GAK: variants seen among roughly 807,000 people sequenced by gnomAD.
GAK encodes cyclin-G-associated kinase.
GAK carries 79 observed loss-of-function variants against 143.9 expected under a neutral mutation model. The ratio of observed to expected loss-of-function variants is 0.55; its 90% CI spans 0.46 to 0.66. The LOEUF (loss-of-function observed/expected upper bound fraction) is 0.66. Ranked by LOEUF, GAK falls within the 30% of genes least tolerant of loss-of-function variation. The probability of loss-of-function intolerance (pLI) is 0.00; values close to 1 mark genes in which losing one functional copy is unlikely to be tolerated. For missense variants in GAK, 1,693 were observed against 1,779.7 expected (o/e 0.95, Z 0.88); for synonymous variants, 881 against 765.5 (o/e 1.15, Z -2.49).
chr4:850,638 G>GGCCCCCCCCCCC, intron 26 of GAK: 1 of 155,518 alleles, frequency 6.4e-6, no homozygotes, highest in Non-Finnish European at 1.4e-5. Flanking sequence ...CTCCTGTAAC[G>GGCCCCCCCCCCC]CCCGCCCACC....
intron 1 of GAK, among the ~76,000 whole-genome samples, chr4:928,409 C>T (rs561306470): frequency 5.1e-4 from 77 of 152,300 alleles, no homozygotes; most frequent in Non-Finnish European, 7.4e-4. Context: ...TCATGCCTGT[C>T]GTCCCAGCAC....
Position 868,645 on chromosome 4 carries a change from C to G in GAK, c.2289G>C (p.Gln763His). The change falls in exon 20 of 28, where the codon CAG becomes CAC. Residue 763 changes from glutamine to histidine, a missense_variant. By Grantham distance (24) the Gln-to-His change is conservative. Transcript: ENST00000314167. ...ELPRQPGSTA[Q>H]YDAGAGSPEA... ...CCGGGGACCCTGCCCCAGCATCATA[C>G]TGAGCCGTGGAGCCAGGCTGCCGGG... 1.3e-6 allele frequency: 2 copies of G among 1,562,708 alleles called. No individual in the cohort carries two copies. Among genetic ancestry groups the G allele is most frequent in the Non-Finnish European group, 1.7e-6 (2 of 1,154,016 alleles).
chr4:931,502 A>T (rs1207838977), intron 1 of GAK, among the ~76,000 whole-genome samples: 3 of 151,032 alleles, frequency 2.0e-5, no homozygotes, highest in African/African-American at 2.4e-5. Context: ...ACTGTAGAAG[A>T]ACCAGCCCTA....
chr4:917,093 T>C (rs1367947487), intron 1 of GAK, among the ~76,000 whole-genome samples: 1 of 152,056 alleles, frequency 6.6e-6, no homozygotes, highest in Non-Finnish European at 1.5e-5. Flanking sequence ...TACATACACA[T>C]ACATACAGTC....
Position 859,456 on chromosome 4 carries a change from C to T in GAK, c.3283+150G>A, listed in dbSNP as rs772936319. On this transcript the variant is annotated intron_variant, in intron 24 of 27. Coordinates refer to ENST00000314167, the MANE Select transcript of GAK (RefSeq NM_005255.4). ...GTCGCCTGGAACAGGTGCAGACACGCTGTCCCCTTGGGCTCACTGTGCTCT... is the reference window on the plus strand; with the variant it reads ...GTCGCCTGGAACAGGTGCAGACACGTTGTCCCCTTGGGCTCACTGTGCTCT... The T allele has an allele frequency of 2.5e-6, 4 of 1,596,626 alleles. No homozygotes were observed. In the Admixed American group the frequency reaches 5.1e-5, roughly 20 times the overall value.
intron 6 of GAK, among the ~76,000 whole-genome samples, chr4:897,526 C>G (rs1409051979): frequency 1.3e-5 from 2 of 152,140 alleles, no homozygotes; most frequent in Non-Finnish European, 2.9e-5. Context: ...CTGCCCATCT[C>G]TGGGAAAAGA....
intron 24 of GAK, among the ~76,000 whole-genome samples, chr4:858,235 G>C (rs145139565): frequency 1.3e-5 from 2 of 152,190 alleles, no homozygotes; most frequent in African/African-American, 2.4e-5. Context: ...GTCATGTGTC[G>C]GGACAGCAGT....
chr4:914,257 A>G (rs1722598060), intron 1 of GAK, among the ~76,000 whole-genome samples: 1 of 43,328 alleles, frequency 2.3e-5, no homozygotes, highest in Non-Finnish European at 4.0e-5. Context: ...CCCCACACAC[A>G]CAGCCCCAGC....
rs1306844075 is a variant in GAK at position 913,612 on chromosome 4, A to G, written c.202T>C (p.Leu68=). The G allele has an allele frequency of 1.2e-6, 2 of 1,612,376 alleles. No individual in the cohort carries two copies. The highest frequency in any genetic ancestry group is 1.7e-6 in the Non-Finnish European group (2 of 1,178,510). ...QDVGSGREYA[L]KRLLSNEEEK... is the part of the protein sequence containing the mutation. ...GGCGTTAAATGGTTCATTACCTTTAATGCATACTCTCTGCCACTCCCCACA... is the reference window on the plus strand; with the variant it reads ...GGCGTTAAATGGTTCATTACCTTTAGTGCATACTCTCTGCCACTCCCCACA... The change falls in exon 2 of 28, where the codon TTA becomes CTA. Residue 68 remains leucine, a synonymous_variant. Transcript: ENST00000314167.
At chr4:928,214 T>C (rs749864853) in intron 1 of GAK, among the ~76,000 whole-genome samples, 3 of 152,096 alleles carry the variant, frequency 2.0e-5, no homozygotes, top group Admixed American at 1.3e-4. Context: ...CGCGCCACCA[T>C]GCCCAGCTAG....
intron 12 of GAK, 75 bp downstream of exon 12, chr4:883,962 G>T: frequency 7.2e-7 from 1 of 1,386,146 alleles, no homozygotes; most frequent in Non-Finnish European, 1.0e-6. Context: ...CCTGTGCCCT[G>T]ACACACAACA....
At chr4:877,027 C>T (rs1260551953) in intron 17 of GAK, 63 bp downstream of exon 17, 5 of 1,173,004 alleles carry the variant, frequency 4.3e-6, no homozygotes, top group Middle Eastern at 2.0e-4. Context: ...GCACTGTGGC[C>T]CCCAGCCCCC....
intron 19 of GAK, chr4:868,910 C>T (rs962944102): frequency 4.7e-5 from 26 of 552,574 alleles, no homozygotes; most frequent in East Asian, 2.7e-4. Flanking sequence ...GCACAGCACA[C>T]GCACACATGA....
In GAK at chr4:893,733, C is replaced by A. The variant is rs547163840; in HGVS notation, c.877+141G>T. 5.5e-5 allele frequency: 60 copies of A among 1,083,102 alleles called. No individual in the cohort carries two copies. The South Asian group carries it at 7.5e-4, about 13-fold the overall frequency. The allele number at this position is 1,083,102 out of a possible 1,614,324, so 67.1% of individuals were successfully genotyped here. A position where few individuals can be genotyped will look rare whatever the true frequency, so the allele number is the denominator to read the frequency against. On this transcript the variant is annotated intron_variant, in intron 8 of 27. Coordinates refer to ENST00000314167, the MANE Select transcript of GAK (RefSeq NM_005255.4). ...AGGGGAGCTCTCTGGAAACCCCCCCCCCAGGGATGTTGTCAAAACTATGGT... is the reference window on the plus strand; with the variant it reads ...AGGGGAGCTCTCTGGAAACCCCCCCACCAGGGATGTTGTCAAAACTATGGT...
At chr4:852,142 C>G (rs990920852) in intron 24 of GAK, 168 bp from the exon 25 acceptor site, 37 of 659,582 alleles carry the variant, frequency 5.6e-5, no homozygotes, top group Non-Finnish European at 8.9e-5. Context: ...GTGTGAAGGT[C>G]TCCAGGGGCT....
At chr4:891,071 C>A (rs1399029577) in intron 9 of GAK, among the ~76,000 whole-genome samples, 3 of 152,040 alleles carry the variant, frequency 2.0e-5, no homozygotes, top group Non-Finnish European at 4.4e-5. Context: ...AATTCTCCTG[C>A]CTCAGCCTCC....
rs1348879860 is a variant in GAK at position 920,726 on chromosome 4, TAG to T, written c.146-7060_146-7059del. Among the ~76,000 whole-genome samples, 5 of 151,766 alleles carry T rather than the reference TAG, an allele frequency of 3.3e-5. 1 individual carries two copies. Among genetic ancestry groups the T allele is most frequent in the Admixed American group, 6.6e-5 (1 of 15,244 alleles). Reference sequence around the variant, plus strand: ...GCCTGGCTAATTTTTGTATTTTTAGTAGAGACGGGGTTTCACCATGTTGGCCA... The same window carrying T: ...GCCTGGCTAATTTTTGTATTTTTAGTAGACGGGGTTTCACCATGTTGGCCA... On this transcript the variant is annotated intron_variant, in intron 1 of 27. Coordinates refer to ENST00000314167, the MANE Select transcript of GAK (RefSeq NM_005255.4).
chr4:865,956 A>G (rs1337663225), intron 22 of GAK, among the ~76,000 whole-genome samples: 1 of 152,132 alleles, frequency 6.6e-6, no homozygotes, highest in Non-Finnish European at 1.5e-5. Flanking sequence ...CCCCTGCTAC[A>G]CCCAGACCAG....
Position 876,612 on chromosome 4 carries a change from GC to G in GAK, c.1975-4del. The G allele has an allele frequency of 6.2e-7, 1 of 1,613,696 alleles. No individual in the cohort carries two copies. On this transcript the variant is annotated splice_polypyrimidine_tract_variant and splice_region_variant and intron_variant, in intron 17 of 27. Coordinates refer to ENST00000314167, the MANE Select transcript of GAK (RefSeq NM_005255.4). Reference sequence around the variant, plus strand: ...TGGAACATCTTCATGGATGCCATCTGCAAAGAGAGCAAACACGACACCCCAC... The same window carrying G: ...TGGAACATCTTCATGGATGCCATCTGAAAGAGAGCAAACACGACACCCCAC...
Sources: gnomAD v4.1 joint callset for allele counts (sites outside exome capture counted in the v4.1 genomes callset) on GRCh38, gnomAD v4.1.1 for gene constraint, MANE v1.5 for transcripts, NCBI Gene and HGNC (gene_info 2026-07-23, HGNC 2026-07-21) for gene names.